The following RICTOR variants were observed in gnomAD, a reference collection of about 807,000 sequenced individuals.
RICTOR encodes the protein RPTOR independent companion of MTOR complex 2.
A neutral mutation model predicts 214.9 loss-of-function variants in RICTOR; 49 were observed. The observed-to-expected ratio is 0.23, with a 90% CI of 0.18 to 0.29. The LOEUF (loss-of-function observed/expected upper bound fraction) is 0.29, where lower values mean the gene tolerates loss of function less well. RICTOR is among the 10% of genes least tolerant of loss of function. The probability of loss-of-function intolerance (pLI) is 1.00; values close to 1 mark genes in which losing one functional copy is unlikely to be tolerated. For missense variants in RICTOR, 1,625 were observed against 2,047.0 expected (o/e 0.79, Z 3.98); for synonymous variants, 717 against 711.3 (o/e 1.01, Z -0.13).
chr5:38,950,519 C>T lies in RICTOR; in HGVS notation c.3329G>A (p.Arg1110His), dbSNP rs766067681. 76 of 1,612,972 alleles carry T rather than the reference C, an allele frequency of 4.7e-5. No homozygotes were observed. Among genetic ancestry groups the T allele is most frequent in the Non-Finnish European group, 6.0e-5 (71 of 1,179,466 alleles). The change falls in exon 31 of 38, where the codon CGT becomes CAT. Residue 1110 changes from arginine to histidine, a missense_variant. Transcript: ENST00000357387. ...CCCTCCTTTTGGATCACTGCTACTACGATGTTTTTTGTTAGGCAAAGTAAG... is the reference window on the plus strand; with the variant it reads ...CCCTCCTTTTGGATCACTGCTACTATGATGTTTTTTGTTAGGCAAAGTAAG... ...NSLTLPNKKH[R>H]SSSDPKGGKL...
In RICTOR at chr5:38,938,360, T is replaced by C. The variant is rs1322258572; in HGVS notation, c.*3944A>G. 1 of 230,132 alleles carries C rather than the reference T, an allele frequency of 4.3e-6. No individual in the cohort carries two copies. Among genetic ancestry groups the C allele is most frequent in the East Asian group, 6.2e-5 (1 of 16,036 alleles). The allele number at this position is 230,132 out of a possible 1,614,324, so 14.3% of individuals were successfully genotyped here. On this transcript the variant is annotated 3_prime_UTR_variant, in exon 38 of 38. Coordinates refer to ENST00000357387, the MANE Select transcript of RICTOR (RefSeq NM_152756.5). Reference sequence around the variant, plus strand: ...TTTTACAATGCAGCTTTAGGGTTTCTGACAGGTATTTTTGTAACAATTACC... The same window carrying C: ...TTTTACAATGCAGCTTTAGGGTTTCCGACAGGTATTTTTGTAACAATTACC...
chr5:38,966,395 T>C (rs1750221467), intron 15 of RICTOR, among the ~76,000 whole-genome samples: 1 of 152,380 alleles, frequency 6.6e-6, no homozygotes, highest in African/African-American at 2.4e-5. Flanking sequence ...ATTTCAGTAC[T>C]TTGCATGTTG....
intron 10 of RICTOR, among the ~76,000 whole-genome samples, chr5:38,975,206 T>C (rs1474146459): frequency 6.6e-6 from 1 of 152,226 alleles, no homozygotes; most frequent in Non-Finnish European, 1.5e-5. Flanking sequence ...AAACTTTAGT[T>C]ACATACACAG....
chr5:38,948,049 C>T (rs1299196406), intron 31 of RICTOR, among the ~76,000 whole-genome samples: 1 of 152,066 alleles, frequency 6.6e-6, no homozygotes, highest in Non-Finnish European at 1.5e-5. Flanking sequence ...CTCCTTACTA[C>T]TAGAGATTCC....
rs534240217 is a variant in RICTOR, at chr5:39,030,468, C to G, written c.98-9332G>C. Among the ~76,000 whole-genome samples, 4 of 152,208 alleles carry G rather than the reference C, an allele frequency of 2.6e-5. No individual in the cohort carries two copies. In the East Asian group the frequency reaches 7.7e-4, roughly 29 times the overall value. Reference sequence around the variant, plus strand: ...TTCACTATCCCATCACTTACCTAGCCTTTAATTTCCCATCACTCTTACCTA... The same window carrying G: ...TTCACTATCCCATCACTTACCTAGCGTTTAATTTCCCATCACTCTTACCTA... On this transcript the variant is annotated intron_variant, in intron 2 of 37. Transcript: ENST00000357387.
chr5:38,990,626 T>TATATATCAG lies in RICTOR; in HGVS notation c.583+322_583+323insCTGATATAT, dbSNP rs1329089802. 6.7e-3 allele frequency among the ~76,000 whole-genome samples: 599 copies of TATATATCAG among 89,936 alleles called. 91 individuals carry two copies. Among genetic ancestry groups the TATATATCAG allele is most frequent in the African/African-American group, 0.024 (568 of 23,918 alleles). The allele number at this position is 89,936 out of a possible 152,430, so 59.0% of individuals were successfully genotyped here. A position where few individuals can be genotyped will look rare whatever the true frequency, so the allele number is the denominator to read the frequency against. On this transcript the variant is annotated intron_variant, in intron 7 of 37. Coordinates refer to ENST00000357387, the MANE Select transcript of RICTOR (RefSeq NM_152756.5). ...TATATGATATATATACGATATATGATATATATATCTGACATATATCAGATA... is the reference window on the plus strand; with the variant it reads ...TATATGATATATATACGATATATGATATATATCAGATATATATCTGACATATATCAGATA...
chr5:38,992,565 T>C (rs982233675), intron 6 of RICTOR, among the ~76,000 whole-genome samples: 27 of 152,198 alleles, frequency 1.8e-4, no homozygotes, highest in African/African-American at 6.5e-4. Flanking sequence ...AAGATATGTA[T>C]GAACAGATGA....
chr5:39,062,109 C>T (rs1758581027), intron 2 of RICTOR, among the ~76,000 whole-genome samples: 1 of 152,000 alleles, frequency 6.6e-6, no homozygotes, highest in South Asian at 2.1e-4. Flanking sequence ...CCATTAAAAA[C>T]ACCGCTGAAA....
chr5:38,994,530 G>A, intron 6 of RICTOR, among the ~76,000 whole-genome samples: 1 of 148,292 alleles, frequency 6.7e-6, no homozygotes, highest in Middle Eastern at 3.3e-3. Context: ...CAGCAAATGT[G>A]CTCTCACTCT....
rs937206268 is a variant in RICTOR, at chr5:39,008,946, T to A, written c.196-5324A>T. Among the ~76,000 whole-genome samples, 5 of 151,860 alleles carry A rather than the reference T, an allele frequency of 3.3e-5. No homozygotes were observed. The South Asian group carries it at 1.0e-3, about 31-fold the overall frequency. On this transcript the variant is annotated intron_variant, in intron 3 of 37. Transcript: ENST00000357387. Reference sequence around the variant, plus strand: ...TATATATAATATAGAAAAATTAAGGTTAGAATTTGTTTATATCAACATACA... The same window carrying A: ...TATATATAATATAGAAAAATTAAGGATAGAATTTGTTTATATCAACATACA...
At position 38,958,423 on chromosome 5, in the gene RICTOR, A is replaced by G; in HGVS notation, c.2420+20T>C. 2.0e-6 allele frequency: 3 copies of G among 1,529,882 alleles called. No homozygotes were observed. The highest frequency in any genetic ancestry group is 2.7e-6 in the Non-Finnish European group (3 of 1,103,472). The allele number at this position is 1,529,882 out of a possible 1,614,324, so 94.8% of individuals were successfully genotyped here. ...AGAACACAACAAAAAAACATAACAG[A>G]AAATTTACTTAAAATTTACCTCAGC... On this transcript the variant is annotated intron_variant, in intron 24 of 37. Coordinates refer to ENST00000357387, the MANE Select transcript of RICTOR (RefSeq NM_152756.5).
intron 37 of RICTOR, 21 bp from the exon 38 acceptor site, chr5:38,942,399 C>T (rs761435886): frequency 5.4e-6 from 8 of 1,491,702 alleles, no homozygotes; most frequent in Non-Finnish European, 6.5e-6. Flanking sequence ...AATGGTGTAT[C>T]ATCAATTACT....
chr5:38,959,841 A>C lies in RICTOR; in HGVS notation c.1989T>G (p.Ile663Met), dbSNP rs375940384. Residue 663 changes from isoleucine to methionine, a missense_variant, in exon 21 of 38, where the codon ATT becomes ATG. This residue lies in a region of RICTOR where 1,214 missense variants were observed against 1,470.5 expected (regional missense o/e 0.83). Transcript: ENST00000357387. The part of the protein sequence containing the change: ...TTLSQHYFLF[I>M]GTLSCHPHGV... ...CATGAGGGTGGCAAGAAAGTGTTCC[A>C]ATAAATAAAAAGTAGTGTTGACTAA... 18 of 1,613,470 alleles carry C rather than the reference A, an allele frequency of 1.1e-5. No homozygotes were observed. The highest frequency in any genetic ancestry group is 1.5e-5 in the Non-Finnish European group (18 of 1,179,634).
Position 39,074,101 on chromosome 5 carries a change from C to G in RICTOR, c.97+10G>C. 1 of 1,564,516 alleles carries G rather than the reference C, an allele frequency of 6.4e-7. No individual in the cohort carries two copies. Among genetic ancestry groups the G allele is most frequent in the South Asian group, 1.2e-5 (1 of 86,574 alleles). The stretch of plus-strand genomic sequence containing the variant: ...CGCGCCCTCGCGGCGCCCGCGGCGC[C>G]CCGCGTTACCTCGGGTCAGATCCAG... On this transcript the variant is annotated intron_variant, in intron 2 of 37. Transcript: ENST00000357387.
At chr5:39,030,472 A>T (rs1351735855) in intron 2 of RICTOR, among the ~76,000 whole-genome samples, 15 of 152,102 alleles carry the variant, frequency 9.9e-5, no homozygotes, top group Admixed American at 9.8e-4. Context: ...CCTAGCCTTT[A>T]ATTTCCCATC....
intron 2 of RICTOR, among the ~76,000 whole-genome samples, chr5:39,062,689 C>T (rs1758632898): frequency 6.6e-6 from 1 of 152,072 alleles, no homozygotes; most frequent in Admixed American, 6.6e-5. Flanking sequence ...AACTAAATTA[C>T]TTGGCAACCT....
At chr5:38,953,369 C>A (rs533713930) in intron 28 of RICTOR, 92 bp downstream of exon 28, 55 of 560,600 alleles carry the variant, frequency 9.8e-5, no homozygotes, top group Non-Finnish European at 1.6e-4. Context: ...ATAAGTAGTT[C>A]CAAAGAAAAT....
intron 19 of RICTOR, among the ~76,000 whole-genome samples, chr5:38,961,463 T>C (rs1187197422): frequency 6.6e-6 from 1 of 152,124 alleles, no homozygotes; most frequent in Admixed American, 6.6e-5. Context: ...TAGACATAAT[T>C]TATGATCTTT....
In RICTOR at chr5:38,954,819, T is replaced by C. The variant is rs1353066703; in HGVS notation, c.2652A>G (p.Gly884=). Residue 884 remains glycine (G), a synonymous_variant, in exon 27 of 38, where the codon GGA becomes GGG. Transcript: ENST00000357387. ...AGCCTGTTTTATGGTGTACTAGTTG[T>C]CCATAAAGGTGTATAGGCAGGTAGA... The part of the protein sequence containing the change: ...PHVYLPIHLY[G]QLVHHKTGCH... 6 of 1,605,508 alleles carry C rather than the reference T, an allele frequency of 3.7e-6. No individual in the cohort carries two copies. Among genetic ancestry groups the C allele is most frequent in the Non-Finnish European group, 5.1e-6 (6 of 1,172,980 alleles).
Sources: gnomAD v4.1 joint callset for allele counts (sites outside exome capture counted in the v4.1 genomes callset) on GRCh38, gnomAD v4.1.1 for gene constraint, gnomAD v4.1.1 regional missense constraint, MANE v1.5 for transcripts, NCBI Gene and HGNC (gene_info 2026-07-23, HGNC 2026-07-21) for gene names.